Variants in USP47 observed in about 807,000 individuals in gnomAD.
USP47 encodes the protein ubiquitin carboxyl-terminal hydrolase 47.
A neutral mutation model predicts 165.1 loss-of-function variants in USP47; 35 were observed. The observed-to-expected ratio is 0.21, with a 90% CI of 0.16 to 0.28. USP47 has a LOEUF of 0.28. Ranked by LOEUF, USP47 falls within the 10% of genes least tolerant of loss-of-function variation. The pLI, the probability that USP47 is intolerant of heterozygous loss-of-function variation, is 1.00. For missense variants in USP47, 1,277 were observed against 1,607.4 expected, an observed-to-expected ratio of 0.79 and a Z score of 3.52; for synonymous variants, 531 against 544.5, an observed-to-expected ratio of 0.98 and a Z score of 0.35.
intron 1 of USP47, among the ~76,000 whole-genome samples, chr11:11,851,454 T>G (rs1226078478): frequency 6.6e-6 from 1 of 152,010 alleles, no homozygotes; most frequent in Admixed American, 6.5e-5. Context: ...CCTGAGCCCC[T>G]TAGTTTATTT....
At position 11,952,853 on chromosome 11, in the gene USP47, G is replaced by A. The variant is rs1258168676; in HGVS notation, c.3696G>A (p.Val1232=). 6.2e-7 allele frequency: 1 copy of A among 1,603,122 alleles called. No homozygotes were observed. ...FQEVVLESSS[V]DELREKLSEI... ...AGGTTGTATTGGAAAGCAGTAGTGT[G>A]GACGAATTGCGAGAGAAGGTAAGTT... The change falls in exon 25 of 28, where the codon GTG becomes GTA. Residue 1232 remains valine, a synonymous_variant. Transcript: ENST00000527733.
intron 14 of USP47, 88 bp from the exon 15 acceptor site, chr11:11,932,916 T>C: frequency 1.1e-6 from 1 of 917,070 alleles, no homozygotes; most frequent in Non-Finnish European, 1.7e-6. Flanking sequence ...ACAGTAGAAG[T>C]ATATACCATG....
chr11:11,860,080 G>T (rs1849288152), intron 1 of USP47, among the ~76,000 whole-genome samples: 1 of 140,732 alleles, frequency 7.1e-6, no homozygotes, highest in African/African-American at 2.6e-5. Flanking sequence ...CTCCAGCCTG[G>T]GCAACAGAAG....
intron 2 of USP47, among the ~76,000 whole-genome samples, chr11:11,883,359 C>G (rs953639912): frequency 4.6e-5 from 7 of 152,006 alleles, no homozygotes; most frequent in Non-Finnish European, 2.9e-5. Flanking sequence ...TTTTTTAATC[C>G]TTATATTAAT....
In USP47 at chr11:11,942,669, G is replaced by C; in HGVS notation, c.2648G>C (p.Ser883Thr). 1.9e-6 allele frequency: 3 copies of C among 1,613,534 alleles called. No homozygotes were observed. Among genetic ancestry groups the C allele is most frequent in the Non-Finnish European group, 2.5e-6 (3 of 1,179,762 alleles). The change falls in exon 20 of 28, where the codon AGT becomes ACT. Residue 883 changes from serine (S) to threonine (T), a missense_variant. By Grantham distance (58) the Ser-to-Thr change is moderately conservative. This residue lies in a region of USP47 where 909 missense variants were observed against 1,068.1 expected (regional missense o/e 0.85). Transcript: ENST00000527733. ...NGDSSKSTETSDFENIESPLN... is the reference protein window; with the variant it reads ...NGDSSKSTETTDFENIESPLN... Reference sequence around the variant, plus strand: ...GACAGCAGCAAAAGTACTGAGACAAGTGACTTTGAAAACATCGAATCACCT... The same window carrying C: ...GACAGCAGCAAAAGTACTGAGACAACTGACTTTGAAAACATCGAATCACCT...
intron 1 of USP47, among the ~76,000 whole-genome samples, chr11:11,849,840 C>G (rs74908145): frequency 0.026 from 4,016 of 152,186 alleles, 185 homozygotes; most frequent in African/African-American, 0.09. Context: ...CAAGACTATA[C>G]ATGTCTGTAA....
intron 8 of USP47, among the ~76,000 whole-genome samples, chr11:11,916,694 C>T (rs952175336): frequency 6.6e-6 from 1 of 151,690 alleles, no homozygotes; most frequent in African/African-American, 2.4e-5. Flanking sequence ...AAAGGGTGTC[C>T]AACATAATTG....
intron 4 of USP47, among the ~76,000 whole-genome samples, chr11:11,894,359 G>C (rs1406242259): frequency 6.6e-6 from 1 of 152,124 alleles, no homozygotes; most frequent in Non-Finnish European, 1.5e-5. Context: ...GGGAGGCTGA[G>C]GCAGGAGAAT....
rs576849459 is a variant in USP47, at chr11:11,919,405, T to G, written c.970-751T>G. Among the ~76,000 whole-genome samples the G allele has an allele frequency of 9.9e-5, 15 of 152,068 alleles. 1 individual carries two copies. In the South Asian group the frequency reaches 2.9e-3, roughly 29 times the overall value. On this transcript the variant is annotated intron_variant, in intron 8 of 27. Transcript: ENST00000527733. ...TTGAGATTATGCGTCCAATCTTATATGCTATATTAACTAATTTTTTAATCG... is the reference window on the plus strand; with the variant it reads ...TTGAGATTATGCGTCCAATCTTATAGGCTATATTAACTAATTTTTTAATCG...
chr11:11,937,527 A>G (rs948130364), intron 17 of USP47, among the ~76,000 whole-genome samples: 1 of 151,284 alleles, frequency 6.6e-6, no homozygotes, highest in Non-Finnish European at 1.5e-5. Context: ...TTCGACTTCT[A>G]AGACTCTACC....
At chr11:11,942,308 A>G (rs1354503399) in intron 19 of USP47, 27 bp from the exon 20 acceptor site, 30 of 1,537,472 alleles carry the variant, frequency 2.0e-5, no homozygotes, top group Non-Finnish European at 2.6e-5. Context: ...AAATTAATAT[A>G]TAATAAAACT....
chr11:11,939,598 G>C (rs1855325218), intron 18 of USP47, among the ~76,000 whole-genome samples: 1 of 151,768 alleles, frequency 6.6e-6, no homozygotes, highest in South Asian at 2.1e-4. Context: ...TACTATGTTG[G>C]TATAATATAC....
chr11:11,929,989 G>A (rs1025516297), intron 12 of USP47, 55 bp from the exon 13 acceptor site: 8 of 1,359,614 alleles, frequency 5.9e-6, no homozygotes, highest in Middle Eastern at 1.8e-4. Context: ...ACATATTGAC[G>A]TTAATGTGAT....
At chr11:11,853,379 T>C (rs758171194) in intron 1 of USP47, among the ~76,000 whole-genome samples, 1 of 152,200 alleles carries the variant, frequency 6.6e-6, no homozygotes, top group Non-Finnish European at 1.5e-5. Context: ...ATGACACAGA[T>C]TTTCAAATCT....
Position 11,957,817 on chromosome 11 carries a change from AT to A in USP47, c.*1643del, listed in dbSNP as rs1325158584. The stretch of plus-strand genomic sequence containing the variant: ...TTTGAATATAATCACCGAGAATTCC[AT>A]GTCTTAAAAGTCTCCTGGAATCCAC... On this transcript the variant is annotated 3_prime_UTR_variant, in exon 28 of 28. Coordinates refer to ENST00000527733, the MANE Select transcript of USP47 (RefSeq NM_001282659.2). 2.0e-5 allele frequency: 3 copies of A among 152,126 alleles called. No homozygotes were observed. The highest frequency in any genetic ancestry group is 7.2e-5 in the African/African-American group (3 of 41,430). The allele number at this position is 152,126 out of a possible 1,614,324, so 9.4% of individuals were successfully genotyped here.
chr11:11,924,916 G>A (rs1005724306), intron 11 of USP47, among the ~76,000 whole-genome samples: 2 of 151,886 alleles, frequency 1.3e-5, no homozygotes, highest in African/African-American at 2.4e-5. Flanking sequence ...CAAAGGACCA[G>A]CTTTTGGTTT....
chr11:11,940,548 G>C lies in USP47; in HGVS notation c.2313G>C (p.Lys771Asn), dbSNP rs1855396214. ...LKAEGFFRSN[K>N]VFVESSETLD... ...CTGAAGGATTTTTTAGAAGTAACAA[G>C]GTATGTCATTTACTTTTTCATTACT... The change falls in exon 19 of 28, where the codon AAG (lysine) becomes AAC (asparagine). Residue 771 changes from lysine to asparagine, a missense_variant and splice_region_variant. Around this residue, in one of 4 missense-constraint regions of USP47, gnomAD observed 909 missense variants for 1,068.1 expected, o/e 0.85. Coordinates refer to ENST00000527733, the MANE Select transcript of USP47 (RefSeq NM_001282659.2). 1.2e-6 allele frequency: 2 copies of C among 1,610,370 alleles called. No homozygotes were observed. The highest frequency in any genetic ancestry group is 1.7e-6 in the Non-Finnish European group (2 of 1,177,888).
intron 1 of USP47, among the ~76,000 whole-genome samples, chr11:11,853,509 G>A (rs1848844143): frequency 6.6e-6 from 1 of 152,204 alleles, no homozygotes; most frequent in Admixed American, 6.5e-5. Context: ...TAAAGAATAT[G>A]TGTTTTCCTG....
chr11:11,875,172 C>T (rs998739118), intron 1 of USP47, among the ~76,000 whole-genome samples: 32 of 151,676 alleles, frequency 2.1e-4, no homozygotes, highest in Non-Finnish European at 2.2e-4. Flanking sequence ...AGAGGTAAAG[C>T]GGTACCTTCA....
Sources: allele counts gnomAD v4.1 joint callset (sites outside exome capture counted in the v4.1 genomes callset), GRCh38; gene constraint gnomAD v4.1.1; regional missense constraint gnomAD v4.1.1; transcripts MANE v1.5; gene names NCBI Gene and HGNC (gene_info 2026-07-23, HGNC 2026-07-21).